NCOR1: variants seen among roughly 807,000 people sequenced by gnomAD.
NCOR1 encodes the protein nuclear receptor corepressor 1.
In NCOR1, 63 loss-of-function variants were observed where a neutral mutation model predicts 288.1. That is an observed-to-expected ratio of 0.22 (90% CI 0.18 to 0.27). NCOR1 has a LOEUF of 0.27. NCOR1 is among the 10% of genes least tolerant of loss of function. The pLI, the probability that NCOR1 is intolerant of heterozygous loss-of-function variation, is 1.00. For missense variants in NCOR1, 2,397 were observed against 3,019.2 expected (o/e 0.79, Z 4.83); for synonymous variants, 1,007 against 1,065.9 (o/e 0.94, Z 1.08).
At chr17:16,094,430 T>A (rs2065958813) in intron 21 of NCOR1, among the ~76,000 whole-genome samples, 1 of 152,190 alleles carries the variant, frequency 6.6e-6, no homozygotes, top group Non-Finnish European at 1.5e-5. Context: ...CATTTTTGAA[T>A]AAAGCAAGAG....
intron 37 of NCOR1, 110 bp from the exon 38 acceptor site, chr17:16,058,709 G>T: frequency 8.7e-7 from 1 of 1,144,544 alleles, no homozygotes; most frequent in Non-Finnish European, 1.2e-6. Context: ...ATGTTCAAAG[G>T]TATTCCAGGT....
Position 16,072,203 on chromosome 17 carries a change from C to T in NCOR1, c.3837G>A (p.Arg1279=), listed in dbSNP as rs1202101476. The T allele has an allele frequency of 1.2e-6, 2 of 1,612,208 alleles. No individual in the cohort carries two copies. Among genetic ancestry groups the T allele is most frequent in the South Asian group, 1.1e-5 (1 of 90,722 alleles). Residue 1279 remains arginine (R), a synonymous_variant, in exon 29 of 46, where the codon AGG becomes AGA. Transcript: ENST00000268712. The part of the protein sequence containing the change: ...LEGLICRALP[R]GSPHSDLKER... ...CTTTGAGGTCAGAATGAGGACTCCCCCTGGGTAATGCTCGGCATATCAGCC... is the reference window on the plus strand; with the variant it reads ...CTTTGAGGTCAGAATGAGGACTCCCTCTGGGTAATGCTCGGCATATCAGCC...
At chr17:16,127,585 GTA>G (rs1277619734) in intron 14 of NCOR1, among the ~76,000 whole-genome samples, 4 of 142,220 alleles carry the variant, frequency 2.8e-5, no homozygotes, top group African/African-American at 5.2e-5. Context: ...ATACATATGT[GTA>G]TATATGTATG....
At chr17:16,092,662 TA>T (rs2065424524) in intron 21 of NCOR1, among the ~76,000 whole-genome samples, 3 of 9,598 alleles carry the variant, frequency 3.1e-4, no homozygotes, top group African/African-American at 5.0e-4. Flanking sequence ...TATATATATA[TA>T]TATATATATA....
chr17:16,189,548 G>A (rs999505848), intron 2 of NCOR1, among the ~76,000 whole-genome samples: 2 of 151,414 alleles, frequency 1.3e-5, no homozygotes, highest in African/African-American at 4.9e-5. Context: ...CAAAGACATA[G>A]AAACCACAGG....
At chr17:16,179,583 A>G (rs190527866) in intron 3 of NCOR1, among the ~76,000 whole-genome samples, 3 of 152,354 alleles carry the variant, frequency 2.0e-5, no homozygotes, top group Non-Finnish European at 2.9e-5. Context: ...CTTCCAAAAA[A>G]TAGAGCTAGA....
chr17:16,057,883 T>G, intron 39 of NCOR1, 24 bp downstream of exon 39: 1 of 1,559,520 alleles, frequency 6.4e-7, no homozygotes, highest in Non-Finnish European at 8.6e-7. Context: ...AAAAATTAAC[T>G]AATAAGAATA....
chr17:16,068,096 G>A lies in NCOR1; in HGVS notation c.4539C>T (p.Thr1513=), dbSNP rs755932286. Residue 1513 remains threonine (T), a synonymous_variant, in exon 32 of 46, where the codon ACC becomes ACT. Coordinates refer to ENST00000268712, the MANE Select transcript of NCOR1 (RefSeq NM_006311.4). The part of the protein sequence containing the change: ...SDVTISSNKS[T]NHERKSTLTP... ...TCAGTGTCGATTTCCTTTCATGATT[G>A]GTAGACTTGTTAGAAGAAATTGTAA... The A allele has an allele frequency of 6.2e-7, 1 of 1,612,776 alleles. No homozygotes were observed. The highest frequency in any genetic ancestry group is 8.5e-7 in the Non-Finnish European group (1 of 1,179,236).
intron 6 of NCOR1, among the ~76,000 whole-genome samples, chr17:16,157,556 C>T (rs144444304): frequency 8.5e-5 from 13 of 152,138 alleles, no homozygotes; most frequent in African/African-American, 1.7e-4. Flanking sequence ...AATTTCCTTT[C>T]GGCTGTGGAC....
At chr17:16,129,684 G>A (rs2075303653) in intron 14 of NCOR1, among the ~76,000 whole-genome samples, 1 of 152,168 alleles carries the variant, frequency 6.6e-6, no homozygotes, top group Non-Finnish European at 1.5e-5. Context: ...CTCTGAACCA[G>A]TAAGATGGCA....
At chr17:16,100,788 G>C (rs996370368) in intron 20 of NCOR1, among the ~76,000 whole-genome samples, 2 of 152,234 alleles carry the variant, frequency 1.3e-5, no homozygotes, top group Admixed American at 6.5e-5. Flanking sequence ...AAAATTTTCA[G>C]AACACTGAAC....
chr17:16,174,285 T>C (rs748100719), intron 3 of NCOR1, among the ~76,000 whole-genome samples: 6 of 152,226 alleles, frequency 3.9e-5, no homozygotes, highest in Non-Finnish European at 8.8e-5. Flanking sequence ...CTTCACCTTT[T>C]AAAGCTTACT....
chr17:16,107,183 C>G (rs2068949894), intron 19 of NCOR1, among the ~76,000 whole-genome samples: 1 of 152,186 alleles, frequency 6.6e-6, no homozygotes, highest in South Asian at 2.1e-4. Flanking sequence ...GCATGAGCCA[C>G]TGCGCCCGGC....
chr17:16,137,511 T>A, intron 13 of NCOR1, 99 bp from the exon 14 acceptor site: 1 of 633,488 alleles, frequency 1.6e-6, no homozygotes, highest in Non-Finnish European at 2.5e-6. Context: ...ATTCTGAAAG[T>A]AAAATTAAAG....
chr17:16,199,216 A>AAAAAAACAC (rs1337668798), intron 1 of NCOR1, among the ~76,000 whole-genome samples: 2 of 122,318 alleles, frequency 1.6e-5, no homozygotes, highest in African/African-American at 3.3e-5. Context: ...AAAAAAAAAA[A>AAAAAAACAC]ACACACACAC....
Position 16,061,849 on chromosome 17 carries a change from G to T in NCOR1, c.5433C>A (p.Ala1811=). ...GGPSISQGLP[A]SRYNTAADAL... ...CATCCGCAGCAGTGTTGTAACGGGA[G>T]GCTGGCAGGCCTTGGCTTATTGAAG... The change falls in exon 37 of 46, where the codon GCC becomes GCA. Residue 1811 remains alanine (A), a synonymous_variant. Coordinates refer to ENST00000268712, the MANE Select transcript of NCOR1 (RefSeq NM_006311.4). 2 of 1,613,894 alleles carry T rather than the reference G, an allele frequency of 1.2e-6. No individual in the cohort carries two copies. Among genetic ancestry groups the T allele is most frequent in the Non-Finnish European group, 1.7e-6 (2 of 1,179,868 alleles).
intron 14 of NCOR1, among the ~76,000 whole-genome samples, chr17:16,130,988 ATTT>A (rs773227977): frequency 1.6e-5 from 2 of 121,808 alleles, no homozygotes; most frequent in African/African-American, 3.1e-5. Context: ...CGCACCTGGA[ATTT>A]TTTTTTTTTT....
Position 16,030,493 on chromosome 17 carries a change from GA to G in NCOR1, c.*1802del, listed in dbSNP as rs553006446. On this transcript the variant is annotated 3_prime_UTR_variant, in exon 46 of 46. Transcript: ENST00000268712. The stretch of plus-strand genomic sequence containing the variant: ...AAACTCTAAAATATTACCAGTACCT[GA>G]AAAAAAAAAATTCAGCAGAAAACTG... The G allele has an allele frequency of 0.012, 2,121 of 180,836 alleles. 18 individuals are homozygous for G. The highest frequency in any genetic ancestry group is 0.027 in the African/African-American group (1,123 of 41,748). The allele number at this position is 180,836 out of a possible 1,614,324, so 11.2% of individuals were successfully genotyped here.
intron 3 of NCOR1, among the ~76,000 whole-genome samples, chr17:16,178,498 C>CAAAAA (rs564320622): frequency 3.3e-3 from 104 of 31,330 alleles, no homozygotes; most frequent in African/African-American, 4.1e-3. Flanking sequence ...GACTCCGTCT[C>CAAAAA]AAAAAAAAAA....
Sources: gnomAD v4.1 joint callset for allele counts (sites outside exome capture counted in the v4.1 genomes callset) on GRCh38, gnomAD v4.1.1 for gene constraint, MANE v1.5 for transcripts, NCBI Gene and HGNC (gene_info 2026-07-23, HGNC 2026-07-21) for gene names.